KCNJ15: variants seen among roughly 807,000 people sequenced by gnomAD.
KCNJ15 encodes the protein potassium inwardly rectifying channel subfamily J member 15.
Under a neutral mutation model 23.0 loss-of-function variants are expected in KCNJ15, and 14 were observed. The ratio of observed to expected loss-of-function variants is 0.61; its 90% CI spans 0.40 to 0.95. The LOEUF (loss-of-function observed/expected upper bound fraction) is 0.95, where lower values mean the gene tolerates loss of function less well. Among genes scored for constraint, KCNJ15 ranks in the 40% least tolerant of loss-of-function variants. The pLI is 0.00. For synonymous variants in KCNJ15, 185 were observed against 183.2 expected (o/e 1.01, Z -0.08); for missense variants, 388 against 461.8 (o/e 0.84, Z 1.46).
intron 1 of KCNJ15, among the ~76,000 whole-genome samples, chr21:38,283,955 G>A (rs373773000): frequency 1.3e-5 from 2 of 152,174 alleles, no homozygotes; most frequent in African/African-American, 4.8e-5. Flanking sequence ...GGCTCAGTCT[G>A]GGTTGCTGCT....
intron 1 of KCNJ15, among the ~76,000 whole-genome samples, chr21:38,274,573 G>T (rs976720512): frequency 6.6e-6 from 1 of 152,110 alleles, no homozygotes; most frequent in African/African-American, 2.4e-5. Flanking sequence ...GTAGGTGATG[G>T]GTAAATACAT....
rs1231852405 is a variant in KCNJ15, at chr21:38,304,251, T to A, written c.*3862T>A. The A allele has an allele frequency of 2.0e-5, 1 of 49,094 alleles. No homozygotes were observed. The highest frequency in any genetic ancestry group is 9.0e-4 in the South Asian group (1 of 1,112). 3.0% of individuals were successfully genotyped at this position (49,094 alleles called of 1,614,324 possible). A position where few individuals can be genotyped will look rare whatever the true frequency, so the allele number is the denominator to read the frequency against. On this transcript the variant is annotated 3_prime_UTR_variant, in exon 3 of 3. Transcript: ENST00000398938. ...ATCTCCTAATGCTATCCCTCCCCCC[T>A]CCCCCCACCCCACAACAGTCCCCGG...
At chr21:38,251,799 A>C (rs968630233), upstream of KCNJ15, among the ~76,000 whole-genome samples, 21 of 152,256 alleles carry the variant, frequency 1.4e-4, no homozygotes, top group African/African-American at 4.8e-4. Context: ...CAGGGCAGTC[A>C]GTGGAAAATC....
rs1474148829 is a variant in KCNJ15, at chr21:38,302,389, T to C, written c.*2000T>C. On this transcript the variant is annotated 3_prime_UTR_variant, in exon 3 of 3. Coordinates refer to ENST00000398938, the MANE Select transcript of KCNJ15 (RefSeq NM_170736.3). ...TGGAACTGAACTAGTTTAAGGCAGG[T>C]GTAAGAATAGTGGGAGGAAAGTTTG... 2.6e-5 allele frequency: 4 copies of C among 152,178 alleles called. No homozygotes were observed. Among genetic ancestry groups the C allele is most frequent in the African/African-American group, 4.8e-5 (2 of 41,438 alleles). The allele number at this position is 152,178 out of a possible 1,614,324, so 9.4% of individuals were successfully genotyped here. A position where few individuals can be genotyped will look rare whatever the true frequency, so the allele number is the denominator to read the frequency against.
chr21:38,265,198 G>A lies in KCNJ15; in HGVS notation c.-117+8013G>A, dbSNP rs972053255. Among the ~76,000 whole-genome samples, 75 of 152,292 alleles carry A rather than the reference G, an allele frequency of 4.9e-4. 1 individual carries two copies. Among genetic ancestry groups the A allele is most frequent in the African/African-American group, 1.8e-3 (73 of 41,548 alleles). Reference sequence around the variant, plus strand: ...CTGAATGTGTTTTAAATTTTAAATTGAAGAGAATTTTCTAACATTTACCCA... The same window carrying A: ...CTGAATGTGTTTTAAATTTTAAATTAAAGAGAATTTTCTAACATTTACCCA... On this transcript the variant is annotated intron_variant, in intron 1 of 2. Transcript: ENST00000398938.
chr21:38,270,740 T>C (rs565874801), intron 1 of KCNJ15, among the ~76,000 whole-genome samples: 1 of 151,562 alleles, frequency 6.6e-6, no homozygotes, highest in Non-Finnish European at 1.5e-5. Flanking sequence ...TAAGAGAACA[T>C]AAAAAAAAAT....
At chr21:38,257,904 G>C (rs1980433896) in intron 1 of KCNJ15, among the ~76,000 whole-genome samples, 1 of 152,100 alleles carries the variant, frequency 6.6e-6, no homozygotes, top group South Asian at 2.1e-4. Flanking sequence ...AAGGAAATAA[G>C]AATTTATTGT....
intron 1 of KCNJ15, among the ~76,000 whole-genome samples, chr21:38,276,194 T>C (rs1185942502): frequency 6.6e-6 from 1 of 151,970 alleles, no homozygotes; most frequent in Non-Finnish European, 1.5e-5. Flanking sequence ...AATGGTATAC[T>C]TTCGAGGGCT....
At chr21:38,279,169 GTC>G (rs1983063242) in intron 1 of KCNJ15, among the ~76,000 whole-genome samples, 1 of 151,770 alleles carries the variant, frequency 6.6e-6, no homozygotes, top group South Asian at 2.1e-4. Flanking sequence ...GTGCCTGAGG[GTC>G]TACGGGAGGA....
chr21:38,291,344 T>C (rs1984592241), intron 1 of KCNJ15, among the ~76,000 whole-genome samples: 1 of 152,172 alleles, frequency 6.6e-6, no homozygotes, highest in Non-Finnish European at 1.5e-5. Context: ...CCCTTAATGA[T>C]ACCCATTATC....
intron 1 of KCNJ15, among the ~76,000 whole-genome samples, chr21:38,275,517 G>A (rs1414205902): frequency 5.7e-5 from 3 of 53,038 alleles, no homozygotes; most frequent in Non-Finnish European, 7.5e-5. Flanking sequence ...CCGAAACTCC[G>A]TCAAAAAAAA....
In KCNJ15 at chr21:38,299,574, AC is replaced by A. The variant is rs1324517593; in HGVS notation, c.318del (p.Cys107AlafsTer3). ...LEPGEPISNHTPCIMKVDSLT... is the reference protein window; with the variant it reads ...LEPGEPISNHXPCIMKVDSLT... The stretch of plus-strand genomic sequence containing the variant: ...ACCCGGTGAGCCCATTTCAAATCAT[AC>A]CCCCTGCATCATGAAAGTGGACTCT... On this transcript the variant is annotated frameshift_variant, in exon 3 of 3. Coordinates refer to ENST00000398938, the MANE Select transcript of KCNJ15 (RefSeq NM_170736.3). LOFTEE classifies it high-confidence loss of function. The surrounding 1 kb of genome is among the most constrained non-coding windows in gnomAD (Gnocchi z 4.5). 3 of 1,613,618 alleles carry A rather than the reference AC, an allele frequency of 1.9e-6. No homozygotes were observed. The highest frequency in any genetic ancestry group is 2.2e-5 in the East Asian group (1 of 44,866).
intron 1 of KCNJ15, chr21:38,296,687 G>T (rs758978177): frequency 4.6e-5 from 7 of 152,452 alleles, no homozygotes; most frequent in African/African-American, 7.2e-5. Flanking sequence ...TCTTTCCAGG[G>T]TGTTTTGCTA....
intron 1 of KCNJ15, among the ~76,000 whole-genome samples, chr21:38,295,902 T>C (rs1359061622): frequency 6.6e-5 from 10 of 152,226 alleles, no homozygotes; most frequent in Non-Finnish European, 4.4e-5. Context: ...AAAGAGGTCA[T>C]TTGCCAAACA....
At chr21:38,255,455 A>G (rs76545924), upstream of KCNJ15, among the ~76,000 whole-genome samples, 792 of 152,282 alleles carry the variant, frequency 5.2e-3, 7 homozygotes, top group African/African-American at 0.017. Flanking sequence ...AAGAAGTCCA[A>G]ATCTCGTGTA....
At chr21:38,248,978 C>G (rs975823149) in intron 1 of KCNJ15, among the ~76,000 whole-genome samples, 1 of 152,150 alleles carries the variant, frequency 6.6e-6, no homozygotes, top group African/African-American at 2.4e-5. Context: ...TCAGATAAGT[C>G]AATCCGCTTG....
chr21:38,297,498 TA>T (rs1263899641), intron 2 of KCNJ15, among the ~76,000 whole-genome samples: 6 of 152,008 alleles, frequency 3.9e-5, no homozygotes, highest in East Asian at 1.9e-4. Flanking sequence ...CTCAGCAGCT[TA>T]AAAAAAATGC....
intron 1 of KCNJ15, among the ~76,000 whole-genome samples, chr21:38,295,056 T>C (rs1315722649): frequency 2.0e-5 from 3 of 152,198 alleles, no homozygotes; most frequent in African/African-American, 7.2e-5. Context: ...GCTGGGAGGA[T>C]TAACCCTTTT....
chr21:38,263,827 A>T lies in KCNJ15; in HGVS notation c.-117+6642A>T, dbSNP rs931998218. ...GGCTGCTTACAGTCAGCCCCAAAGA[A>T]TTTTTTTTTACTTTCTTTCTGTTTC... On this transcript the variant is annotated intron_variant, in intron 1 of 2. Coordinates refer to ENST00000398938, the MANE Select transcript of KCNJ15 (RefSeq NM_170736.3). Among the ~76,000 whole-genome samples, 4 of 151,716 alleles carry T rather than the reference A, an allele frequency of 2.6e-5. No individual in the cohort carries two copies. The South Asian group carries it at 8.4e-4, about 32-fold the overall frequency.
Sources: allele counts gnomAD v4.1 joint callset (sites outside exome capture counted in the v4.1 genomes callset), GRCh38; gene constraint gnomAD v4.1.1; non-coding constraint Gnocchi (gnomAD v3.1); transcripts MANE v1.5; gene names NCBI Gene and HGNC (gene_info 2026-07-23, HGNC 2026-07-21).